DPP10: variants seen among roughly 807,000 people sequenced by gnomAD.
DPP10 encodes inactive dipeptidyl peptidase 10.
DPP10 carries 33 observed loss-of-function variants against 120.9 expected under a neutral mutation model. That is an observed-to-expected ratio of 0.27 (90% CI 0.21 to 0.37). The LOEUF (loss-of-function observed/expected upper bound fraction) is 0.37, where lower values mean the gene tolerates loss of function less well. Ranked by LOEUF, DPP10 falls within the 10% of genes least tolerant of loss-of-function variation. DPP10 has a pLI of 1.00. For synonymous variants in DPP10, 337 were observed against 326.1 expected, an observed-to-expected ratio of 1.03 and a Z score of -0.36; for missense variants, 816 against 942.8, an observed-to-expected ratio of 0.87 and a Z score of 1.76.
intron 5 of DPP10, among the ~76,000 whole-genome samples, chr2:115,544,041 A>C (rs191482498): frequency 6.6e-6 from 1 of 151,950 alleles, no homozygotes. Context: ...AAATAATTAA[A>C]GAAAAAAAAA....
At chr2:115,291,086 C>G (rs1310469475) in intron 1 of DPP10, among the ~76,000 whole-genome samples, 1 of 152,062 alleles carries the variant, frequency 6.6e-6, no homozygotes, top group Non-Finnish European at 1.5e-5. Flanking sequence ...TCACTGCAGC[C>G]TCGACCTCCT....
At chr2:115,695,054 G>C (rs1321328915) in intron 7 of DPP10, among the ~76,000 whole-genome samples, 3 of 152,134 alleles carry the variant, frequency 2.0e-5, no homozygotes, top group African/African-American at 7.2e-5. Flanking sequence ...GAATTCTAAG[G>C]TGGTTAAAAG....
intron 3 of DPP10, among the ~76,000 whole-genome samples, chr2:115,431,576 T>C (rs1393169640): frequency 6.6e-6 from 1 of 152,168 alleles, no homozygotes; most frequent in African/African-American, 2.4e-5. Flanking sequence ...CACCACTCTT[T>C]AGAGCTTTAG....
chr2:115,083,486 A>G (rs1163225151), intron 1 of DPP10, among the ~76,000 whole-genome samples: 1 of 152,140 alleles, frequency 6.6e-6, no homozygotes, highest in Non-Finnish European at 1.5e-5. Flanking sequence ...TACTAGAGAA[A>G]CCTGGCATAA....
intron 1 of DPP10, among the ~76,000 whole-genome samples, chr2:114,609,055 AT>A (rs1421566458): frequency 6.6e-6 from 1 of 152,172 alleles, no homozygotes; most frequent in African/African-American, 2.4e-5. Flanking sequence ...ATTTGAATAA[AT>A]AAATAAAAGG....
chr2:115,414,402 C>CT (rs1311902355), intron 3 of DPP10, among the ~76,000 whole-genome samples: 1 of 152,120 alleles, frequency 6.6e-6, no homozygotes, highest in Non-Finnish European at 1.5e-5. Flanking sequence ...TTTCCATCAT[C>CT]TTTTATCTCA....
chr2:115,687,876 G>C (rs940244740), intron 5 of DPP10, among the ~76,000 whole-genome samples: 10 of 152,032 alleles, frequency 6.6e-5, no homozygotes, highest in African/African-American at 2.2e-4. Flanking sequence ...CTCTTTAGAT[G>C]TGTGCCTAAA....
chr2:114,723,407 T>C (rs1178125434), intron 1 of DPP10, among the ~76,000 whole-genome samples: 1 of 152,170 alleles, frequency 6.6e-6, no homozygotes, highest in East Asian at 1.9e-4. Flanking sequence ...TGTACAACAG[T>C]TCCAAAGACA....
chr2:114,618,125 T>C (rs761261893), intron 1 of DPP10, among the ~76,000 whole-genome samples: 3 of 152,140 alleles, frequency 2.0e-5, no homozygotes, highest in Non-Finnish European at 4.4e-5. Flanking sequence ...TAAATATGTA[T>C]CAAGAAGCTC....
chr2:115,210,170 C>T (rs1200985146), intron 1 of DPP10, among the ~76,000 whole-genome samples: 1 of 152,140 alleles, frequency 6.6e-6, no homozygotes, highest in Non-Finnish European at 1.5e-5. Flanking sequence ...TCCCTCCCTC[C>T]TCTCCCAACT....
intron 3 of DPP10, among the ~76,000 whole-genome samples, chr2:115,384,756 A>G (rs2106505118): frequency 6.6e-6 from 1 of 152,156 alleles, no homozygotes; most frequent in East Asian, 1.9e-4. Flanking sequence ...GAAAGAAGAA[A>G]AGAAGAACCT....
In DPP10 at chr2:115,466,346, A is replaced by G. The variant is rs372587086; in HGVS notation, c.272-33164A>G. Among the ~76,000 whole-genome samples the G allele has an allele frequency of 5.9e-5, 9 of 152,314 alleles. No individual in the cohort carries two copies. The East Asian group carries it at 1.5e-3, about 26-fold the overall frequency. On this transcript the variant is annotated intron_variant, in intron 3 of 25. Transcript: ENST00000410059. ...TCATGTAACATTTTGTAGAGCTACT[A>G]TTCCTCAGAACACAATTTGAGAAAT... is the stretch of plus-strand genomic sequence containing the variant.
chr2:115,754,222 T>C (rs1679113083), intron 11 of DPP10, among the ~76,000 whole-genome samples: 5 of 152,086 alleles, frequency 3.3e-5, no homozygotes, highest in Admixed American at 3.3e-4. Context: ...GTTTGAGGCT[T>C]TTTTTGGTGA....
At chr2:115,469,849 G>C (rs1193520892) in intron 3 of DPP10, among the ~76,000 whole-genome samples, 2 of 122,796 alleles carry the variant, frequency 1.6e-5, no homozygotes, top group African/African-American at 6.0e-5. Context: ...AGTGAGCTGA[G>C]ATCACACCAT....
At chr2:114,777,422 C>G (rs537704885) in intron 1 of DPP10, among the ~76,000 whole-genome samples, 22 of 150,740 alleles carry the variant, frequency 1.5e-4, no homozygotes, top group Non-Finnish European at 2.8e-4. Flanking sequence ...TTGAGTATTA[C>G]TTTTGGATAT....
At chr2:114,503,830 A>G (rs868194417) in intron 1 of DPP10, among the ~76,000 whole-genome samples, 1 of 152,228 alleles carries the variant, frequency 6.6e-6, no homozygotes, top group African/African-American at 2.4e-5. Context: ...TCCCATAAAA[A>G]ATAAGACACT....
Position 115,387,401 on chromosome 2 carries a change from A to G in DPP10, c.271+43489A>G, listed in dbSNP as rs1418426159. Among the ~76,000 whole-genome samples, 13 of 152,256 alleles carry G rather than the reference A, an allele frequency of 8.5e-5. No individual in the cohort carries two copies. The South Asian group carries it at 2.7e-3, about 32-fold the overall frequency. ...AAAGAAATTACAGAGATTTACTATA[A>G]ATTTCTCAGTAGGCATCTGGAAAAA... On this transcript the variant is annotated intron_variant, in intron 3 of 25. Coordinates refer to ENST00000410059, the MANE Select transcript of DPP10 (RefSeq NM_020868.6).
rs78116780 is a variant in DPP10, at chr2:115,403,381, C to CTTT, written c.271+59503_271+59505dup. 4.4e-4 allele frequency among the ~76,000 whole-genome samples: 52 copies of CTTT among 118,438 alleles called. 6 individuals are homozygous for CTTT. The highest frequency in any genetic ancestry group is 1.3e-3 in the African/African-American group (36 of 28,180). The allele number at this position is 118,438 out of a possible 152,430, so 77.7% of individuals were successfully genotyped here. The stretch of plus-strand genomic sequence containing the variant: ...TACTTCTCTCTTTCTTTCTTTCCTT[C>CTTT]TTTTTTTTTTTTTTTTTTTTTTTTT... On this transcript the variant is annotated intron_variant, in intron 3 of 25. Transcript: ENST00000410059.
At chr2:115,715,667 G>A (rs531534771) in intron 7 of DPP10, among the ~76,000 whole-genome samples, 1 of 152,330 alleles carries the variant, frequency 6.6e-6, no homozygotes, top group South Asian at 2.1e-4. Flanking sequence ...AACTGTAGAG[G>A]AATGAGTGAA....
Sources: allele counts gnomAD v4.1 joint callset (sites outside exome capture counted in the v4.1 genomes callset), GRCh38; gene constraint gnomAD v4.1.1; transcripts MANE v1.5; gene names NCBI Gene and HGNC (gene_info 2026-07-23, HGNC 2026-07-21).